BCAS3: variants seen among roughly 807,000 people sequenced by gnomAD.
BCAS3 encodes BCAS3 microtubule associated cell migration factor, also known as BCAS4/BCAS3 fusion.
A neutral mutation model predicts 116.1 loss-of-function variants in BCAS3; 53 were observed. The observed-to-expected ratio is 0.46, with a 90% CI of 0.37 to 0.57. The LOEUF is 0.57. Ranked by LOEUF, BCAS3 falls within the 20% of genes least tolerant of loss-of-function variation. The probability of loss-of-function intolerance (pLI) is 0.00; values close to 1 mark genes in which losing one functional copy is unlikely to be tolerated. For synonymous variants in BCAS3, 391 were observed against 408.2 expected (o/e 0.96, Z 0.51); for missense variants, 917 against 1,165.4 (o/e 0.79, Z 3.10).
At chr17:60,860,450 G>C (rs1000820888) in intron 7 of BCAS3, among the ~76,000 whole-genome samples, 1 of 152,114 alleles carries the variant, frequency 6.6e-6, no homozygotes, top group Non-Finnish European at 1.5e-5. Context: ...GCTGTTGACA[G>C]TTTCTTGTGC....
chr17:60,823,736 A>G (rs763461567), intron 7 of BCAS3, among the ~76,000 whole-genome samples: 5 of 152,206 alleles, frequency 3.3e-5, no homozygotes, highest in Non-Finnish European at 7.4e-5. Context: ...TGTAAATTGT[A>G]TGTAATACAC....
In BCAS3 at chr17:61,186,793, C is replaced by T. The variant is rs561466706; in HGVS notation, c.2425+102229C>T. 6.6e-6 allele frequency among the ~76,000 whole-genome samples: 1 copy of T among 152,192 alleles called. No individual in the cohort carries two copies. Among genetic ancestry groups the T allele is most frequent in the East Asian group, 1.9e-4 (1 of 5,164 alleles). On this transcript the variant is annotated intron_variant, in intron 22 of 23. Coordinates refer to ENST00000407086, the MANE Select transcript of BCAS3 (RefSeq NM_017679.5). The surrounding 1 kb of genome is among the most constrained non-coding windows in gnomAD (Gnocchi z 4.9). ...TGGCACGATCTCAGCTTACTGCAAG[C>T]TCCACCTCCTGGGTTCACGCCATTC... is the stretch of plus-strand genomic sequence containing the variant.
At chr17:60,813,810 G>A (rs901627991) in intron 7 of BCAS3, among the ~76,000 whole-genome samples, 6 of 152,000 alleles carry the variant, frequency 3.9e-5, no homozygotes, top group East Asian at 1.9e-4. Flanking sequence ...TGTCATTGTC[G>A]ACTTTGTTGA....
rs2065248365 is a variant in BCAS3 at position 61,013,607 on chromosome 17, C to T, written c.1487-2144C>T. ...AATCATCTTGTGTGTATTGTGAATTCTGTCTTTTGTTATTCCTGCAACAGG... is the reference window on the plus strand; with the variant it reads ...AATCATCTTGTGTGTATTGTGAATTTTGTCTTTTGTTATTCCTGCAACAGG... On this transcript the variant is annotated intron_variant, in intron 15 of 23. Transcript: ENST00000407086. This position sits in a 1 kb window ranked among gnomAD's most constrained non-coding sequence, Gnocchi z 4.4. 6.6e-6 allele frequency among the ~76,000 whole-genome samples: 1 copy of T among 151,954 alleles called. No individual in the cohort carries two copies.
chr17:61,206,766 A>C (rs1201609622), intron 22 of BCAS3, among the ~76,000 whole-genome samples: 1 of 133,248 alleles, frequency 7.5e-6, no homozygotes, highest in Non-Finnish European at 1.5e-5. Context: ...TCGCCATTGC[A>C]CTTCAGCCTG....
At chr17:61,000,457 T>C (rs2064158940) in intron 15 of BCAS3, among the ~76,000 whole-genome samples, 1 of 152,154 alleles carries the variant, frequency 6.6e-6, no homozygotes, top group South Asian at 2.1e-4. Context: ...GTACCTCACT[T>C]TTCTTTCTGT....
At chr17:60,695,003 TG>T (rs1176791746) in intron 4 of BCAS3, among the ~76,000 whole-genome samples, 1 of 152,146 alleles carries the variant, frequency 6.6e-6, no homozygotes, top group Non-Finnish European at 1.5e-5. Context: ...TTTGCCTTTT[TG>T]TGATTACCTA....
Position 60,960,866 on chromosome 17 carries a change from G to A in BCAS3, c.1221+13514G>A, listed in dbSNP as rs1193796771. 3.3e-5 allele frequency among the ~76,000 whole-genome samples: 5 copies of A among 150,906 alleles called. No homozygotes were observed. The highest frequency in any genetic ancestry group is 1.2e-4 in the African/African-American group (5 of 40,942). The stretch of plus-strand genomic sequence containing the variant: ...GATACTACATTCTCAAAAACCTTGT[G>A]TATCTCCTGTGTATGTCATGGGGAT... On this transcript the variant is annotated intron_variant, in intron 14 of 23. Coordinates refer to ENST00000407086, the MANE Select transcript of BCAS3 (RefSeq NM_017679.5). The surrounding 1 kb of genome is among the most constrained non-coding windows in gnomAD (Gnocchi z 4.1).
chr17:60,772,883 A>G (rs1393613820), intron 6 of BCAS3, among the ~76,000 whole-genome samples: 1 of 152,236 alleles, frequency 6.6e-6, no homozygotes, highest in African/African-American at 2.4e-5. Context: ...AGAAAAAAAA[A>G]GGGGGGCTTA....
At position 61,258,587 on chromosome 17, in the gene BCAS3, G is replaced by A. The variant is rs974438880; in HGVS notation, c.2426-109740G>A. On this transcript the variant is annotated intron_variant, in intron 22 of 23. Transcript: ENST00000407086. The surrounding 1 kb of genome is among the most constrained non-coding windows in gnomAD (Gnocchi z 4.7). The stretch of plus-strand genomic sequence containing the variant: ...GTAAAGTGCCTGGCACAAAACAGGC[G>A]CTTAATAAATGTTAGACTGTTCCCC... Among the ~76,000 whole-genome samples, 4 of 152,228 alleles carry A rather than the reference G, an allele frequency of 2.6e-5. No homozygotes were observed. Among genetic ancestry groups the A allele is most frequent in the South Asian group, 2.1e-4 (1 of 4,832 alleles).
rs1424240797 is a variant in BCAS3 at position 61,322,626 on chromosome 17, T to TCCG, written c.2426-45701_2426-45700insCCG. ...CTTCTCTTCATTTCAAACAAGTGAG[T>TCCG]TGTGTTAGTTGGTTTTTTAATGAGG... On this transcript the variant is annotated intron_variant, in intron 22 of 23. Transcript: ENST00000407086. Among the ~76,000 whole-genome samples, 3 of 152,140 alleles carry TCCG rather than the reference T, an allele frequency of 2.0e-5. No individual in the cohort carries two copies. In the East Asian group the frequency reaches 5.8e-4, roughly 29 times the overall value.
At chr17:60,857,677 T>G (rs1222658477) in intron 7 of BCAS3, among the ~76,000 whole-genome samples, 1 of 152,180 alleles carries the variant, frequency 6.6e-6, no homozygotes, top group African/African-American at 2.4e-5. Context: ...TGGTCAAGGC[T>G]TTTCAAAAGA....
Position 61,051,922 on chromosome 17 carries a change from A to C in BCAS3, c.2029+11030A>C, listed in dbSNP as rs545852440. ...CACATTGAGAAACTAGACAAAGTAG[A>C]GGAAATTAATGCAAAACAGAAAATA... On this transcript the variant is annotated intron_variant, in intron 19 of 23. Coordinates refer to ENST00000407086, the MANE Select transcript of BCAS3 (RefSeq NM_017679.5). The surrounding 1 kb of genome is among the most constrained non-coding windows in gnomAD (Gnocchi z 4.1). 5.9e-5 allele frequency among the ~76,000 whole-genome samples: 9 copies of C among 152,342 alleles called. No homozygotes were observed. In the East Asian group the frequency reaches 1.7e-3, roughly 29 times the overall value.
intron 10 of BCAS3, among the ~76,000 whole-genome samples, chr17:60,891,525 A>G (rs541582418): frequency 2.6e-5 from 4 of 152,330 alleles, no homozygotes; most frequent in South Asian, 4.1e-4. Flanking sequence ...AAGAGCTAGC[A>G]TTTATTAGTT....
At chr17:60,959,750 A>T (rs937018862) in intron 14 of BCAS3, among the ~76,000 whole-genome samples, 2 of 152,204 alleles carry the variant, frequency 1.3e-5, no homozygotes, top group Non-Finnish European at 2.9e-5. Context: ...GGAGCCTAAA[A>T]TATCAAAAAT....
At chr17:61,164,011 CA>C (rs547112430) in intron 22 of BCAS3, among the ~76,000 whole-genome samples, 1 of 127,322 alleles carries the variant, frequency 7.9e-6, no homozygotes, top group African/African-American at 3.0e-5. Flanking sequence ...AAAAAAAAAC[CA>C]AAAAAAAAAA....
At position 61,368,551 on chromosome 17, in the gene BCAS3, C is replaced by A; in HGVS notation, c.2593+57C>A. 1 of 1,509,740 alleles carries A rather than the reference C, an allele frequency of 6.6e-7. No homozygotes were observed. The highest frequency in any genetic ancestry group is 9.0e-7 in the Non-Finnish European group (1 of 1,117,260). The allele number at this position is 1,509,740 out of a possible 1,614,324, so 93.5% of individuals were successfully genotyped here. Reference sequence around the variant, plus strand: ...TGGTCAGGACCAGCACCTGTTGGTGCAGAGCTTCTCTGGAATCGTTTGTGG... The same window carrying A: ...TGGTCAGGACCAGCACCTGTTGGTGAAGAGCTTCTCTGGAATCGTTTGTGG... On this transcript the variant is annotated intron_variant, in intron 23 of 23. Transcript: ENST00000407086. This position sits in a 1 kb window ranked among gnomAD's most constrained non-coding sequence, Gnocchi z 6.0.
chr17:61,225,715 A>G (rs1347071513), intron 22 of BCAS3, among the ~76,000 whole-genome samples: 2 of 152,192 alleles, frequency 1.3e-5, no homozygotes, highest in East Asian at 3.9e-4. Context: ...AGCAGTAGTA[A>G]GCCCAGGGCA....
intron 13 of BCAS3, among the ~76,000 whole-genome samples, chr17:60,943,318 T>C (rs1383258370): frequency 6.6e-6 from 1 of 151,896 alleles, no homozygotes; most frequent in Non-Finnish European, 1.5e-5. Flanking sequence ...TGAAAGAGAG[T>C]GAGCGAGTGT....
Sources: allele counts gnomAD v4.1 joint callset (sites outside exome capture counted in the v4.1 genomes callset), GRCh38; gene constraint gnomAD v4.1.1; non-coding constraint Gnocchi (gnomAD v3.1); transcripts MANE v1.5; gene names NCBI Gene and HGNC (gene_info 2026-07-23, HGNC 2026-07-21).